HLTF: variants seen among roughly 807,000 people sequenced by gnomAD.
HLTF encodes DNA-dependent ATPase/E3 ubiquitin-protein ligase HLTF.
A neutral mutation model predicts 129.4 loss-of-function variants in HLTF; 127 were observed. The observed-to-expected ratio is 0.98, with a 90% confidence interval of 0.85 to 1.14. The LOEUF (loss-of-function observed/expected upper bound fraction) is 1.14. HLTF is among the 50% of genes most tolerant of loss of function. The pLI is 0.00. For missense variants in HLTF, 1,139 were observed against 1,187.1 expected, an observed-to-expected ratio of 0.96 and a Z score of 0.60; for synonymous variants, 332 against 388.8, an observed-to-expected ratio of 0.85 and a Z score of 1.72.
chr3:149,040,193 C>T (rs750457735), intron 20 of HLTF, 37 bp from the exon 21 acceptor site: 2 of 1,573,364 alleles, frequency 1.3e-6, no homozygotes, highest in Non-Finnish European at 1.7e-6. Context: ...CAACACTTAA[C>T]AGAAGAACAA....
At chr3:149,061,545 T>C (rs566596159) in intron 10 of HLTF, among the ~76,000 whole-genome samples, 71 of 152,204 alleles carry the variant, frequency 4.7e-4, no homozygotes, top group Middle Eastern at 6.8e-3. Context: ...CAAAAAAGAA[T>C]TGGCTCGTGG....
chr3:149,068,017 C>T (rs913273064), intron 8 of HLTF, among the ~76,000 whole-genome samples: 8 of 152,042 alleles, frequency 5.3e-5, no homozygotes, highest in Admixed American at 3.3e-4. Flanking sequence ...GCTGAGATTG[C>T]GCCACTGCAC....
Position 149,086,469 on chromosome 3 carries a change from C to G in HLTF, c.-133G>C. ...TTCCGAGCGCCGGATCAGGAGCGCA[C>G]GACTGAAAGGTAAGTCGCCGCGAGT... On this transcript the variant is annotated 5_prime_UTR_variant, in exon 1 of 25. Transcript: ENST00000310053. The G allele has an allele frequency of 2.9e-6, 3 of 1,027,366 alleles. No homozygotes were observed. Among genetic ancestry groups the G allele is most frequent in the South Asian group, 2.9e-5 (2 of 67,958 alleles). 63.6% of individuals were successfully genotyped at this position (1,027,366 alleles called of 1,614,324 possible). A position where few individuals can be genotyped will look rare whatever the true frequency, so the allele number is the denominator to read the frequency against.
intron 2 of HLTF, among the ~76,000 whole-genome samples, chr3:149,081,077 A>C (rs1719818780): frequency 6.6e-6 from 1 of 152,210 alleles, no homozygotes; most frequent in Non-Finnish European, 1.5e-5. Context: ...CACAGTATTC[A>C]GTAAAGTAAC....
intron 14 of HLTF, chr3:149,051,989 A>C (rs1177893251): frequency 6.6e-6 from 1 of 152,092 alleles, no homozygotes; most frequent in African/African-American, 2.4e-5. Context: ...CCCCATCTCT[A>C]CTAAAAAAAC....
intron 8 of HLTF, among the ~76,000 whole-genome samples, chr3:149,067,896 C>T (rs1162714771): frequency 6.6e-6 from 1 of 152,124 alleles, no homozygotes; most frequent in African/African-American, 2.4e-5. Context: ...ATAGCCCCAG[C>T]ACTTTGGGAG....
intron 2 of HLTF, among the ~76,000 whole-genome samples, chr3:149,080,893 C>T (rs13089226): frequency 0.14 from 20,783 of 152,064 alleles, 3,095 homozygotes; most frequent in African/African-American, 0.37. Context: ...AGTCATACCC[C>T]GCATAACAAC....
intron 21 of HLTF, 52 bp from the exon 22 acceptor site, chr3:149,039,745 T>C: frequency 1.0e-6 from 1 of 976,424 alleles, no homozygotes; most frequent in South Asian, 1.7e-5. Context: ...TCAGTAAAAT[T>C]AGTCTAAAAG....
At chr3:149,044,600 T>C (rs1483848003) in intron 18 of HLTF, among the ~76,000 whole-genome samples, 1 of 152,122 alleles carries the variant, frequency 6.6e-6, no homozygotes, top group East Asian at 1.9e-4. Context: ...CAACTAATTA[T>C]TTGATATCTC....
intron 18 of HLTF, among the ~76,000 whole-genome samples, chr3:149,042,827 T>A (rs577111520): frequency 2.6e-5 from 4 of 152,120 alleles, no homozygotes; most frequent in Admixed American, 2.6e-4. Flanking sequence ...TAACTCAACA[T>A]GTAACCCTGA....
rs746571034 is a variant in HLTF, at chr3:149,041,631, T to C, written c.2235A>G (p.Ile745Met). 6.2e-6 allele frequency: 10 copies of C among 1,612,368 alleles called. No homozygotes were observed. Among genetic ancestry groups the C allele is most frequent in the Non-Finnish European group, 8.5e-7 (1 of 1,178,866 alleles). ...DTPEELRKKL[I>M]RKMKLILSSG... is the part of the protein sequence containing the mutation. ...AGCTCAGAATTAACTTCATCTTCCT[T>C]ATTAACTTCTTTCTCAGTTCTTCAG... Residue 745 changes from isoleucine to methionine, a missense_variant, in exon 20 of 25, where the codon ATA becomes ATG. Transcript: ENST00000310053.
chr3:149,085,610 T>C (rs1720299933), intron 1 of HLTF, among the ~76,000 whole-genome samples: 1 of 152,080 alleles, frequency 6.6e-6, no homozygotes, highest in South Asian at 2.1e-4. Flanking sequence ...TTCCAGAAAA[T>C]ACATCCAGCA....
chr3:149,039,197 C>T lies in HLTF; in HGVS notation c.2648G>A (p.Gly883Asp). 6.2e-7 allele frequency: 1 copy of T among 1,601,020 alleles called. No homozygotes were observed. The highest frequency in any genetic ancestry group is 8.5e-7 in the Non-Finnish European group (1 of 1,174,758). ...ASGFVFTRLD[G>D]SMAQKKRVES... ...AACTCTTTTCTTTTGGGCCATGGAA[C>T]CATCCAAACGAGTAAACACAAATCC... Residue 883 changes from glycine (G) to aspartate (D), a missense_variant, in exon 23 of 25, where the codon GGT (glycine) becomes GAT (aspartate). Transcript: ENST00000310053.
rs548360448 is a variant in HLTF, at chr3:149,036,158, CACA to C, written c.2797-1163_2797-1161del. ...TCAAAAAAAAACAAAAAACAAAAAA[CACA>C]ACAACAGCAATAAAATGGTGCAACA... On this transcript the variant is annotated intron_variant, in intron 23 of 24. Coordinates refer to ENST00000310053, the MANE Select transcript of HLTF (RefSeq NM_003071.4). Among the ~76,000 whole-genome samples, 12 of 151,514 alleles carry C rather than the reference CACA, an allele frequency of 7.9e-5. No homozygotes were observed. In the East Asian group the frequency reaches 1.9e-3, roughly 25 times the overall value.
At chr3:149,077,247 A>AAAAC (rs1251173435) in intron 2 of HLTF, among the ~76,000 whole-genome samples, 12 of 144,150 alleles carry the variant, frequency 8.3e-5, no homozygotes, top group African/African-American at 3.1e-4. Flanking sequence ...ACTTCATCTC[A>AAAAC]AAATAAATAA....
chr3:149,041,516 T>C lies in HLTF; in HGVS notation c.2350A>G (p.Ile784Val). 2 of 1,613,132 alleles carry C rather than the reference T, an allele frequency of 1.2e-6. No homozygotes were observed. The highest frequency in any genetic ancestry group is 2.2e-5 in the East Asian group (1 of 44,804). ...HCAHVFCKPC[I>V]CQVIQNEQPH... ...TGCTCATTCTGAATGACTTGGCAAA[T>C]ACAGGGTTTACAAAATACATGTGCA... Residue 784 changes from isoleucine to valine, a missense_variant, in exon 20 of 25, where the codon ATT becomes GTT. By Grantham distance (29) the Ile-to-Val change is conservative. Transcript: ENST00000310053.
At chr3:149,038,852 T>A (rs1715869552) in intron 23 of HLTF, among the ~76,000 whole-genome samples, 197 bp downstream of exon 23, 1 of 152,154 alleles carries the variant, frequency 6.6e-6, no homozygotes, top group Non-Finnish European at 1.5e-5. Flanking sequence ...CTCATAAGGA[T>A]GTTGTGAGGA....
intron 23 of HLTF, among the ~76,000 whole-genome samples, chr3:149,035,599 C>T (rs1444180073): frequency 7.3e-6 from 1 of 137,378 alleles, no homozygotes; most frequent in Non-Finnish European, 1.5e-5. Context: ...GCGGAGCCTG[C>T]AGTGAGCCGA....
At chr3:149,078,704 A>G (rs1275449299) in intron 2 of HLTF, among the ~76,000 whole-genome samples, 1 of 152,094 alleles carries the variant, frequency 6.6e-6, no homozygotes, top group Non-Finnish European at 1.5e-5. Context: ...AAAAATACAA[A>G]AAATTAGCCG....
Sources: gnomAD v4.1 joint callset for allele counts (sites outside exome capture counted in the v4.1 genomes callset) on GRCh38, gnomAD v4.1.1 for gene constraint, MANE v1.5 for transcripts, NCBI Gene and HGNC (gene_info 2026-07-23, HGNC 2026-07-21) for gene names.